Variants in WWOX observed in about 807,000 individuals in gnomAD.
The protein encoded by WWOX is WW domain containing oxidoreductase.
WWOX carries 69 observed loss-of-function variants against 46.2 expected under a neutral mutation model. The ratio of observed to expected loss-of-function variants is 1.49; its 90% CI spans 1.23 to 1.82. WWOX has a LOEUF of 1.82. WWOX is among the 40% of genes most tolerant of loss of function. WWOX has a pLI of 0.00. For synonymous variants in WWOX, 359 were observed against 202.6 expected, an observed-to-expected ratio of 1.77 and a Z score of -6.56; for missense variants, 919 against 542.6, an observed-to-expected ratio of 1.69 and a Z score of -6.89.
At chr16:78,401,939 C>T (rs1567550808) in intron 6 of WWOX, among the ~76,000 whole-genome samples, 1 of 152,088 alleles carries the variant, frequency 6.6e-6, no homozygotes, top group Admixed American at 6.5e-5. Context: ...ACCTCTAGAT[C>T]CGCCTGCCTC....
At chr16:78,511,178 G>T (rs1179506097) in intron 8 of WWOX, among the ~76,000 whole-genome samples, 1 of 152,144 alleles carries the variant, frequency 6.6e-6, no homozygotes, top group Non-Finnish European at 1.5e-5. Flanking sequence ...TCGGGAAAAG[G>T]CAGAAGACGG....
intron 8 of WWOX, among the ~76,000 whole-genome samples, chr16:78,650,860 G>T (rs935433909): frequency 2.0e-5 from 3 of 152,126 alleles, no homozygotes; most frequent in Non-Finnish European, 4.4e-5. Context: ...AGAATATTTC[G>T]GATTTATATT....
chr16:78,520,036 C>A (rs17720666), intron 8 of WWOX, among the ~76,000 whole-genome samples: 6,225 of 152,234 alleles, frequency 0.041, 187 homozygotes, highest in East Asian at 0.12. Flanking sequence ...ACCATGCAGT[C>A]ATTTCCCAGA....
chr16:78,855,399 CTT>C (rs924728732), intron 8 of WWOX, among the ~76,000 whole-genome samples: 1 of 152,056 alleles, frequency 6.6e-6, no homozygotes, highest in African/African-American at 2.4e-5. Flanking sequence ...AAAAAAAACA[CTT>C]TTGTTTGAAG....
intron 8 of WWOX, among the ~76,000 whole-genome samples, chr16:79,057,124 C>A (rs986138566): frequency 6.6e-6 from 1 of 152,176 alleles, no homozygotes. Context: ...TTGGGGAGTG[C>A]TAGCGCAGGT....
At chr16:78,165,139 G>C (rs1335439498) in intron 5 of WWOX, among the ~76,000 whole-genome samples, 2 of 152,206 alleles carry the variant, frequency 1.3e-5, no homozygotes, top group Non-Finnish European at 2.9e-5. Flanking sequence ...GTATCTGGTA[G>C]ACTCTGAGAT....
At chr16:78,674,579 C>G (rs756142799) in intron 8 of WWOX, among the ~76,000 whole-genome samples, 4 of 152,138 alleles carry the variant, frequency 2.6e-5, no homozygotes, top group Non-Finnish European at 4.4e-5. Flanking sequence ...GCCACAGCAC[C>G]CAGCCAGAAC....
chr16:78,219,469 A>G (rs1224754904), intron 5 of WWOX, among the ~76,000 whole-genome samples: 2 of 152,226 alleles, frequency 1.3e-5, no homozygotes, highest in Non-Finnish European at 2.9e-5. Flanking sequence ...CTAAAGTGAC[A>G]GGAAGAGACT....
At chr16:78,433,206 A>AT (rs1226342553) in intron 8 of WWOX, among the ~76,000 whole-genome samples, 1 of 152,058 alleles carries the variant, frequency 6.6e-6, no homozygotes, top group Admixed American at 6.5e-5. Context: ...TTTGTTCTAA[A>AT]TTTTTTTCTT....
chr16:79,055,999 T>C (rs977439134), intron 8 of WWOX, among the ~76,000 whole-genome samples: 2 of 152,218 alleles, frequency 1.3e-5, no homozygotes, highest in Admixed American at 6.5e-5. Context: ...TTGCCTAATC[T>C]TCTATTTAGC....
intron 6 of WWOX, among the ~76,000 whole-genome samples, chr16:78,389,154 G>A (rs377693925): frequency 1.8e-4 from 27 of 152,182 alleles, no homozygotes; most frequent in African/African-American, 4.8e-4. Context: ...GAGCCCTCCT[G>A]TGTGTGTCCT....
intron 8 of WWOX, among the ~76,000 whole-genome samples, chr16:78,539,775 C>A (rs1216729428): frequency 5.3e-5 from 8 of 152,164 alleles, no homozygotes; most frequent in Admixed American, 5.2e-4. Flanking sequence ...AATAGATAAT[C>A]TAACACCAGC....
Position 78,653,012 on chromosome 16 carries a change from CAG to C in WWOX, c.1056+220263_1056+220264del, listed in dbSNP as rs1272427748. ...ATGAAGAAAAATTTAGAAACTTGGACAGAGGAAAATGAAAATGTTCTATTAAT... is the reference window on the plus strand; with the variant it reads ...ATGAAGAAAAATTTAGAAACTTGGACAGGAAAATGAAAATGTTCTATTAAT... On this transcript the variant is annotated intron_variant, in intron 8 of 8. Transcript: ENST00000566780. Among the ~76,000 whole-genome samples the C allele has an allele frequency of 3.9e-5, 6 of 152,140 alleles. No homozygotes were observed. In the East Asian group the frequency reaches 1.2e-3, roughly 29 times the overall value.
intron 8 of WWOX, among the ~76,000 whole-genome samples, chr16:78,660,402 C>A (rs190138776): frequency 6.6e-6 from 1 of 152,104 alleles, no homozygotes; most frequent in East Asian, 1.9e-4. Context: ...GATATGCTTC[C>A]TGAGAGGTGG....
chr16:78,694,724 G>C (rs2048063665), intron 8 of WWOX, among the ~76,000 whole-genome samples: 1 of 152,130 alleles, frequency 6.6e-6, no homozygotes, highest in Non-Finnish European at 1.5e-5. Context: ...TGAACAGATT[G>C]CTTTTTCTCA....
rs547229353 is a variant in WWOX, at chr16:78,434,066, G to A, written c.1056+1314G>A. On this transcript the variant is annotated intron_variant, in intron 8 of 8. Transcript: ENST00000566780. ...GGCCTCCCAAAGTGCTGGGATTACA[G>A]GCGTGAGCCACCGCGCCCGGCCTGG... Among the ~76,000 whole-genome samples, 1,178 of 152,138 alleles carry A rather than the reference G, an allele frequency of 7.7e-3. 12 individuals are homozygous for A. The highest frequency in any genetic ancestry group is 8.1e-3 in the Non-Finnish European group (551 of 67,972).
At chr16:79,184,372 C>A (rs1287207841) in intron 8 of WWOX, among the ~76,000 whole-genome samples, 1 of 152,176 alleles carries the variant, frequency 6.6e-6, no homozygotes. Context: ...CATGTAGGAA[C>A]AAAGTGTGTC....
At chr16:78,537,615 G>T (rs773621256) in intron 8 of WWOX, among the ~76,000 whole-genome samples, 12 of 152,236 alleles carry the variant, frequency 7.9e-5, no homozygotes, top group African/African-American at 2.9e-4. Flanking sequence ...AAGTCATACA[G>T]ATAGGCTCGA....
At chr16:79,169,515 C>T (rs1389983788) in intron 8 of WWOX, among the ~76,000 whole-genome samples, 1 of 152,210 alleles carries the variant, frequency 6.6e-6, no homozygotes, top group Non-Finnish European at 1.5e-5. Context: ...CTTTCAGCCA[C>T]CTCCTGGCTG....
Sources: allele counts gnomAD v4.1 joint callset (sites outside exome capture counted in the v4.1 genomes callset), GRCh38; gene constraint gnomAD v4.1.1; transcripts MANE v1.5; gene names NCBI Gene and HGNC (gene_info 2026-07-23, HGNC 2026-07-21).